The following TBC1D22A variants were observed in gnomAD, a reference collection of about 807,000 sequenced individuals.
The protein encoded by TBC1D22A is TBC1 domain family member 22A.
A neutral mutation model predicts 60.2 loss-of-function variants in TBC1D22A; 38 were observed. The observed-to-expected ratio is 0.63, with a 90% CI of 0.49 to 0.83. TBC1D22A has a LOEUF of 0.83. TBC1D22A is among the 40% of genes least tolerant of loss of function. The pLI, the probability that TBC1D22A is intolerant of heterozygous loss-of-function variation, is 0.00. For synonymous variants in TBC1D22A, 302 were observed against 281.7 expected (o/e 1.07, Z -0.72); for missense variants, 628 against 701.0 (o/e 0.90, Z 1.18).
At chr22:47,040,444 A>G (rs370326688) in intron 11 of TBC1D22A, among the ~76,000 whole-genome samples, 7 of 152,218 alleles carry the variant, frequency 4.6e-5, no homozygotes, top group East Asian at 1.9e-4. Flanking sequence ...GTGGTCATCA[A>G]TGGCTGAGAG....
At chr22:46,876,610 G>T (rs1242290564) in intron 4 of TBC1D22A, among the ~76,000 whole-genome samples, 1 of 152,204 alleles carries the variant, frequency 6.6e-6, no homozygotes, top group Non-Finnish European at 1.5e-5. Flanking sequence ...AGGGGAAGAG[G>T]AGTGGGTTGC....
chr22:47,043,247 A>C (rs2062909418), intron 11 of TBC1D22A, among the ~76,000 whole-genome samples: 1 of 152,216 alleles, frequency 6.6e-6, no homozygotes, highest in African/African-American at 2.4e-5. Context: ...TCTGTGCTGC[A>C]TGATGGGGCC....
chr22:47,125,207 AC>A (rs1387092787), intron 12 of TBC1D22A, among the ~76,000 whole-genome samples: 1 of 151,908 alleles, frequency 6.6e-6, no homozygotes, highest in Non-Finnish European at 1.5e-5. Flanking sequence ...GGCCAAATGC[AC>A]CCCCCTGGGT....
At chr22:46,837,381 TATGGACCAA>T (rs1241254461) in intron 4 of TBC1D22A, among the ~76,000 whole-genome samples, 18 of 152,276 alleles carry the variant, frequency 1.2e-4, no homozygotes, top group African/African-American at 4.1e-4. Context: ...TGAATAACAA[TATGGACCAA>T]ATGGACCTAA....
At chr22:46,791,514 G>C (rs565282137) in intron 1 of TBC1D22A, among the ~76,000 whole-genome samples, 1 of 151,090 alleles carries the variant, frequency 6.6e-6, no homozygotes, top group South Asian at 2.1e-4. Context: ...GGGGCCAAAG[G>C]GGTGCTAGCT....
chr22:47,000,864 T>G (rs1391145487), intron 10 of TBC1D22A, among the ~76,000 whole-genome samples: 1 of 150,780 alleles, frequency 6.6e-6, no homozygotes, highest in Non-Finnish European at 1.5e-5. Context: ...GAAAAATAAA[T>G]GTCTTAAAAG....
chr22:47,110,713 G>A (rs1021873424), intron 11 of TBC1D22A, among the ~76,000 whole-genome samples: 3 of 152,174 alleles, frequency 2.0e-5, no homozygotes, highest in African/African-American at 4.8e-5. Context: ...TATAGATGTT[G>A]CATGGGCAAG....
intron 11 of TBC1D22A, among the ~76,000 whole-genome samples, chr22:47,054,774 G>GTA (rs1284723231): frequency 1.3e-5 from 2 of 152,206 alleles, no homozygotes; most frequent in Non-Finnish European, 2.9e-5. Context: ...TGATGATTGT[G>GTA]TACACGTAGA....
chr22:46,829,896 G>A (rs1035070861), intron 4 of TBC1D22A, among the ~76,000 whole-genome samples: 4 of 152,116 alleles, frequency 2.6e-5, no homozygotes, highest in Admixed American at 6.5e-5. Flanking sequence ...AATGGAGGTC[G>A]TAAAGAAAAA....
At chr22:46,831,478 C>T (rs2086307688) in intron 4 of TBC1D22A, among the ~76,000 whole-genome samples, 1 of 152,136 alleles carries the variant, frequency 6.6e-6, no homozygotes, top group African/African-American at 2.4e-5. Context: ...AGGACCACTC[C>T]TGGTGTCCTT....
At chr22:47,121,848 C>G (rs557159019) in intron 12 of TBC1D22A, among the ~76,000 whole-genome samples, 6 of 152,234 alleles carry the variant, frequency 3.9e-5, no homozygotes, top group African/African-American at 1.2e-4. Context: ...GGAGCTGGAG[C>G]TCAGAATGCT....
Position 47,173,566 on chromosome 22 carries a change from G to C in TBC1D22A, c.1494G>C (p.Leu498=), listed in dbSNP as rs113377645. The C allele has an allele frequency of 1.2e-3, 1,988 of 1,614,146 alleles. 15 individuals are homozygous for C. In the African/African-American group the frequency reaches 0.024, roughly 19 times the overall value. ...HWDDEDISLL[L]AEAYRLKFAF... Reference sequence around the variant, plus strand: ...ATGATGAGGACATCAGCCTGTTGCTGGCCGAGGCCTACCGCCTCAAGTTTG... The same window carrying C: ...ATGATGAGGACATCAGCCTGTTGCTCGCCGAGGCCTACCGCCTCAAGTTTG... Residue 498 remains leucine, a synonymous_variant, in exon 13 of 13, where the codon CTG becomes CTC. Coordinates refer to ENST00000337137, the MANE Select transcript of TBC1D22A (RefSeq NM_014346.5).
At chr22:46,993,284 C>T (rs767206461) in intron 9 of TBC1D22A, among the ~76,000 whole-genome samples, 2 of 152,126 alleles carry the variant, frequency 1.3e-5, no homozygotes, top group Non-Finnish European at 2.9e-5. Flanking sequence ...GCAAGCTGAG[C>T]GTATTTTTAA....
chr22:46,765,512 C>G (rs1484946074), intron 1 of TBC1D22A, among the ~76,000 whole-genome samples: 1 of 152,140 alleles, frequency 6.6e-6, no homozygotes, highest in Admixed American at 6.5e-5. Context: ...GTTGCCCAGG[C>G]TGGAGTGCAG....
intron 9 of TBC1D22A, among the ~76,000 whole-genome samples, chr22:46,983,478 C>G (rs888113798): frequency 6.6e-6 from 1 of 152,136 alleles, no homozygotes; most frequent in Non-Finnish European, 1.5e-5. Flanking sequence ...CACTTTCTTT[C>G]CTGATTGGGC....
At chr22:46,948,815 A>G (rs1403872211) in intron 8 of TBC1D22A, among the ~76,000 whole-genome samples, 6 of 152,238 alleles carry the variant, frequency 3.9e-5, no homozygotes, top group Admixed American at 6.5e-5. Context: ...TCTTGTAAGC[A>G]CGGCCAAACA....
chr22:46,764,232 G>C (rs2083207592), intron 1 of TBC1D22A: 1 of 152,356 alleles, frequency 6.6e-6, no homozygotes, highest in South Asian at 2.1e-4. Context: ...CCACAGGACC[G>C]TGCTTGATTC....
intron 5 of TBC1D22A, among the ~76,000 whole-genome samples, chr22:46,887,083 G>T (rs1361017207): frequency 6.6e-6 from 1 of 152,210 alleles, no homozygotes; most frequent in East Asian, 1.9e-4. Flanking sequence ...ACAGAAGGAG[G>T]CTGTTGGCAG....
At chr22:46,905,467 T>C (rs1440666481) in intron 7 of TBC1D22A, among the ~76,000 whole-genome samples, 1 of 152,206 alleles carries the variant, frequency 6.6e-6, no homozygotes, top group Admixed American at 6.5e-5. Flanking sequence ...GCAGATTGAT[T>C]TGGGTCCGTG....
Sources: allele counts gnomAD v4.1 joint callset (sites outside exome capture counted in the v4.1 genomes callset), GRCh38; gene constraint gnomAD v4.1.1; transcripts MANE v1.5; gene names NCBI Gene and HGNC (gene_info 2026-07-23, HGNC 2026-07-21).